Variants in MYO9A observed in about 807,000 individuals in gnomAD.
MYO9A encodes the protein unconventional myosin-IXa.
In MYO9A, 103 loss-of-function variants were observed where a neutral mutation model predicts 293.3. That is an observed-to-expected ratio of 0.35 (90% CI 0.30 to 0.41). The LOEUF is 0.41. MYO9A is among the 10% of genes least tolerant of loss of function. MYO9A has a pLI of 1.00. For missense variants in MYO9A, 2,685 were observed against 3,033.0 expected, an observed-to-expected ratio of 0.89 and a Z score of 2.69; for synonymous variants, 1,001 against 1,035.7, an observed-to-expected ratio of 0.97 and a Z score of 0.64.
chr15:72,001,606 G>T (rs1372475914), intron 8 of MYO9A, among the ~76,000 whole-genome samples: 6 of 147,516 alleles, frequency 4.1e-5, no homozygotes, highest in African/African-American at 1.5e-4. Flanking sequence ...GTTATAAAAT[G>T]ATAGGAAGAG....
intron 33 of MYO9A, among the ~76,000 whole-genome samples, chr15:71,860,232 A>G (rs933390331): frequency 6.6e-6 from 1 of 152,226 alleles, no homozygotes; most frequent in South Asian, 2.1e-4. Flanking sequence ...ATTACTGTCA[A>G]AGATCCCTCC....
chr15:72,116,266 TCTC>T (rs2080973287), intron 1 of MYO9A, among the ~76,000 whole-genome samples: 1 of 151,804 alleles, frequency 6.6e-6, no homozygotes, highest in Non-Finnish European at 1.5e-5. Context: ...AATGTGATTT[TCTC>T]CTGTTACTTT....
intron 1 of MYO9A, among the ~76,000 whole-genome samples, chr15:72,091,187 A>C (rs2079896500): frequency 6.6e-6 from 1 of 150,890 alleles, no homozygotes; most frequent in Non-Finnish European, 1.5e-5. Flanking sequence ...TAACAGAGTA[A>C]GATCTGTCTC....
At chr15:72,065,258 G>A (rs894670138) in intron 1 of MYO9A, among the ~76,000 whole-genome samples, 4 of 152,168 alleles carry the variant, frequency 2.6e-5, no homozygotes. Flanking sequence ...GCTCATGCCT[G>A]TAATCCCAGC....
intron 18 of MYO9A, among the ~76,000 whole-genome samples, chr15:71,918,370 T>C (rs933395519): frequency 6.6e-6 from 1 of 152,198 alleles, no homozygotes; most frequent in Non-Finnish European, 1.5e-5. Flanking sequence ...ATTATAGATA[T>C]GCAATTATAT....
At chr15:71,999,718 A>C in intron 9 of MYO9A, 133 bp downstream of exon 9, 2 of 571,120 alleles carry the variant, frequency 3.5e-6, no homozygotes, top group Non-Finnish European at 6.0e-6. Context: ...ATCAAATGTA[A>C]AGGCCTAGAA....
intron 12 of MYO9A, among the ~76,000 whole-genome samples, chr15:71,968,771 T>C (rs1040112998): frequency 5.9e-5 from 9 of 152,108 alleles, no homozygotes; most frequent in Non-Finnish European, 1.2e-4. Context: ...CAGGACATAG[T>C]AGGTGTTAAG....
At chr15:72,086,060 C>T (rs539057621) in intron 1 of MYO9A, among the ~76,000 whole-genome samples, 11 of 152,282 alleles carry the variant, frequency 7.2e-5, no homozygotes, top group Admixed American at 1.3e-4. Context: ...TACACTCCAG[C>T]GGGTGGTGCC....
In MYO9A at chr15:71,826,745, G is replaced by A. The variant is rs140800180; in HGVS notation, c.7482C>T (p.Asn2494=). The A allele has an allele frequency of 5.6e-6, 9 of 1,613,964 alleles. No individual in the cohort carries two copies. In the South Asian group the frequency reaches 7.7e-5, roughly 14 times the overall value. Residue 2494 remains asparagine, a synonymous_variant, in exon 42 of 42, where the codon AAC becomes AAT. Coordinates refer to ENST00000356056, the MANE Select transcript of MYO9A (RefSeq NM_006901.4). ...KPQFISRGTF[N]PEKGKQKLKN... is the part of the protein sequence containing the mutation. ...TTAATTTTTGTTTGCCCTTTTCCGG[G>A]TTGAAGGTTCCTCTGCTGATGAACT...
intron 6 of MYO9A, among the ~76,000 whole-genome samples, chr15:72,011,880 A>G (rs183482433): frequency 6.6e-6 from 1 of 152,326 alleles, no homozygotes; most frequent in African/African-American, 2.4e-5. Flanking sequence ...TTAACTGCAG[A>G]TCCCCAGTGC....
At chr15:72,043,332 T>G (rs28808678) in intron 2 of MYO9A, among the ~76,000 whole-genome samples, 5 of 152,138 alleles carry the variant, frequency 3.3e-5, no homozygotes, top group African/African-American at 1.2e-4. Flanking sequence ...AAACACATAC[T>G]TATCATCTGA....
intron 1 of MYO9A, among the ~76,000 whole-genome samples, chr15:72,058,858 T>C (rs924401592): frequency 1.3e-5 from 2 of 152,188 alleles, no homozygotes. Context: ...TCCTTTAAAC[T>C]AGAAGTTCAG....
chr15:71,988,984 G>A (rs996492208), intron 11 of MYO9A, among the ~76,000 whole-genome samples: 4 of 151,790 alleles, frequency 2.6e-5, no homozygotes, highest in East Asian at 1.9e-4. Flanking sequence ...AACCTACGCC[G>A]CCCACATTCA....
intron 1 of MYO9A, among the ~76,000 whole-genome samples, chr15:72,052,291 C>T (rs2078589611): frequency 1.3e-5 from 2 of 152,096 alleles, no homozygotes; most frequent in Non-Finnish European, 2.9e-5. Context: ...CTCATCAGGA[C>T]ACCCGAACAC....
intron 1 of MYO9A, among the ~76,000 whole-genome samples, chr15:72,088,788 C>T (rs900021286): frequency 6.6e-6 from 1 of 152,202 alleles, no homozygotes; most frequent in Non-Finnish European, 1.5e-5. Context: ...GTTTGGAAAA[C>T]TCAAATGTTA....
chr15:72,018,214 T>A (rs776524442), intron 6 of MYO9A, among the ~76,000 whole-genome samples: 2 of 152,148 alleles, frequency 1.3e-5, no homozygotes, highest in African/African-American at 2.4e-5. Flanking sequence ...ATATCTGTAA[T>A]CCCAGCACTT....
chr15:71,965,703 C>A (rs1466146109), intron 13 of MYO9A, among the ~76,000 whole-genome samples: 1 of 152,220 alleles, frequency 6.6e-6, no homozygotes, highest in Non-Finnish European at 1.5e-5. Context: ...CACACCACTT[C>A]ACTTCAGCCT....
rs2081056258 is a variant in MYO9A, at chr15:72,117,825, G to A, written c.-217C>T. The A allele has an allele frequency of 2.5e-6, 1 of 398,640 alleles. No homozygotes were observed. Among genetic ancestry groups the A allele is most frequent in the Non-Finnish European group, 4.4e-6 (1 of 225,796 alleles). The allele number at this position is 398,640 out of a possible 1,614,324, so 24.7% of individuals were successfully genotyped here. On this transcript the variant is annotated 5_prime_UTR_variant, in exon 1 of 42. Coordinates refer to ENST00000356056, the MANE Select transcript of MYO9A (RefSeq NM_006901.4). ...CGGTTCCGGGAGGGTGGGCCCAGCA[G>A]CCTCAGGGTCCGGGCGAGCGGCCGC...
intron 19 of MYO9A, among the ~76,000 whole-genome samples, chr15:71,907,232 T>A (rs1221649218): frequency 6.6e-6 from 1 of 151,272 alleles, no homozygotes; most frequent in Non-Finnish European, 1.5e-5. Flanking sequence ...CTGAGAATGA[T>A]GATTTCCAAT....
Sources: allele counts gnomAD v4.1 joint callset (sites outside exome capture counted in the v4.1 genomes callset), GRCh38; gene constraint gnomAD v4.1.1; transcripts MANE v1.5; gene names NCBI Gene and HGNC (gene_info 2026-07-23, HGNC 2026-07-21).